Variants in MEIS2 observed in about 807,000 individuals in gnomAD.
The protein encoded by MEIS2 is homeobox protein Meis2.
A neutral mutation model predicts 58.6 loss-of-function variants in MEIS2; 9 were observed. That is an observed-to-expected ratio of 0.15 (90% confidence interval 0.09 to 0.27). The LOEUF (loss-of-function observed/expected upper bound fraction) is 0.27, where lower values mean the gene tolerates loss of function less well. MEIS2 is among the 10% of genes least tolerant of loss of function. MEIS2 has a pLI of 1.00. For synonymous variants in MEIS2, 221 were observed against 228.4 expected, an observed-to-expected ratio of 0.97 and a Z score of 0.29; for missense variants, 427 against 635.0, an observed-to-expected ratio of 0.67 and a Z score of 3.52.
chr15:36,954,449 AATTG>A (rs1211824382), intron 8 of MEIS2, among the ~76,000 whole-genome samples: 6 of 147,932 alleles, frequency 4.1e-5, no homozygotes, highest in East Asian at 2.0e-4. Flanking sequence ...AATTATAATT[AATTG>A]TAATTATATA....
chr15:36,930,871 T>G (rs2141330313), intron 9 of MEIS2, among the ~76,000 whole-genome samples: 1 of 152,316 alleles, frequency 6.6e-6, no homozygotes, highest in South Asian at 2.1e-4. Context: ...CCTCTCTTTG[T>G]GGGTTTGATA....
intron 7 of MEIS2, among the ~76,000 whole-genome samples, chr15:37,044,048 T>C (rs146828128): frequency 1.1e-4 from 16 of 152,288 alleles, no homozygotes; most frequent in African/African-American, 2.6e-4. Context: ...GTAACTTCCA[T>C]TGGGCACTTG....
chr15:37,074,681 T>G (rs1056509461), intron 7 of MEIS2, among the ~76,000 whole-genome samples: 4 of 152,004 alleles, frequency 2.6e-5, no homozygotes, highest in African/African-American at 9.7e-5. Flanking sequence ...TGTTATTTGC[T>G]GAACACATGG....
chr15:36,952,475 C>T (rs1307469477), intron 8 of MEIS2, among the ~76,000 whole-genome samples: 1 of 151,996 alleles, frequency 6.6e-6, no homozygotes, highest in Non-Finnish European at 1.5e-5. Flanking sequence ...TTCCAGTGTG[C>T]TGTTTCTTTA....
chr15:37,043,813 G>A (rs541734027), intron 7 of MEIS2, among the ~76,000 whole-genome samples: 7 of 150,778 alleles, frequency 4.6e-5, no homozygotes, highest in Non-Finnish European at 8.8e-5. Context: ...TCAGCCTCCC[G>A]AGTAGCTAGG....
chr15:36,945,660 A>C (rs1164134452), intron 9 of MEIS2, among the ~76,000 whole-genome samples: 1 of 152,054 alleles, frequency 6.6e-6, no homozygotes, highest in East Asian at 1.9e-4. Context: ...CTTTCCATGA[A>C]GAAGTCATAC....
chr15:37,061,552 C>T (rs1200853370), intron 7 of MEIS2, among the ~76,000 whole-genome samples: 1 of 152,196 alleles, frequency 6.6e-6, no homozygotes, highest in Non-Finnish European at 1.5e-5. Context: ...AAAATTTACA[C>T]ATTAAGAATA....
chr15:36,952,057 A>T (rs1243015039), intron 8 of MEIS2, among the ~76,000 whole-genome samples: 1 of 152,274 alleles, frequency 6.6e-6, no homozygotes, highest in Non-Finnish European at 1.5e-5. Context: ...TGCCACCATG[A>T]CAAATACTCC....
At chr15:37,006,488 C>G (rs557332117) in intron 8 of MEIS2, among the ~76,000 whole-genome samples, 2 of 152,352 alleles carry the variant, frequency 1.3e-5, no homozygotes, top group South Asian at 4.1e-4. Context: ...GATCCATGGT[C>G]TATAAACTAT....
chr15:37,094,204 C>T (rs1358701790), intron 5 of MEIS2, among the ~76,000 whole-genome samples: 2 of 152,188 alleles, frequency 1.3e-5, no homozygotes, highest in Non-Finnish European at 2.9e-5. Flanking sequence ...AATGCAAACC[C>T]AGGGCCGAGG....
intron 6 of MEIS2, among the ~76,000 whole-genome samples, chr15:37,091,253 A>G (rs567945577): frequency 1.1e-4 from 16 of 152,250 alleles, no homozygotes; most frequent in East Asian, 9.7e-4. Flanking sequence ...CAATACACCT[A>G]TGGTACAAAA....
intron 7 of MEIS2, among the ~76,000 whole-genome samples, chr15:37,071,880 T>C (rs1450950886): frequency 1.3e-5 from 2 of 152,120 alleles, no homozygotes; most frequent in African/African-American, 4.8e-5. Flanking sequence ...TTTGACAACT[T>C]TGCATGTGCA....
chr15:37,100,738 TGTGTGTTGCGCGCGCGCGCGCGCGA>T (rs1015929553), upstream of MEIS2, among the ~76,000 whole-genome samples: 29 of 145,810 alleles, frequency 2.0e-4, no homozygotes, highest in Non-Finnish European at 3.2e-4. Flanking sequence ...CGTGCGCGCG[TGTGTGTTGCGCGCGCGCGCGCGCGA>T]ACAGGGAGAG....
intron 8 of MEIS2, among the ~76,000 whole-genome samples, chr15:36,967,310 G>GTATGTTAA: frequency 6.6e-6 from 1 of 152,214 alleles, no homozygotes; most frequent in East Asian, 1.9e-4. Flanking sequence ...TTTTAAAAGG[G>GTATGTTAA]TATGTTAATT....
chr15:36,947,848 G>C (rs2058623931), intron 9 of MEIS2, among the ~76,000 whole-genome samples: 1 of 151,938 alleles, frequency 6.6e-6, no homozygotes, highest in South Asian at 2.1e-4. Flanking sequence ...AACAGTGACT[G>C]TGAGGTCTTT....
chr15:36,949,783 A>G (rs2058691594), intron 9 of MEIS2, among the ~76,000 whole-genome samples: 2 of 152,026 alleles, frequency 1.3e-5, no homozygotes, highest in Non-Finnish European at 1.5e-5. Flanking sequence ...TGGATGGTCC[A>G]TACACCAGCA....
chr15:37,016,766 C>A (rs778448113), intron 8 of MEIS2, among the ~76,000 whole-genome samples: 4 of 152,210 alleles, frequency 2.6e-5, no homozygotes, highest in Non-Finnish European at 5.9e-5. Context: ...GCTTAGGAAT[C>A]ATTTTATTGA....
chr15:37,100,597 G>A (rs1424853213), upstream of MEIS2: 1 of 144,018 alleles, frequency 6.9e-6, no homozygotes, highest in African/African-American at 2.6e-5. Context: ...GGGGGCGGGA[G>A]GGGGAGGGGA....
At chr15:36,989,343 C>A (rs1388197571) in intron 8 of MEIS2, among the ~76,000 whole-genome samples, 1 of 152,168 alleles carries the variant, frequency 6.6e-6, no homozygotes, top group Admixed American at 6.5e-5. Flanking sequence ...CCTTATCATG[C>A]AAGTGACCTA....
Sources: gnomAD v4.1 joint callset for allele counts (sites outside exome capture counted in the v4.1 genomes callset) on GRCh38, gnomAD v4.1.1 for gene constraint, MANE v1.5 for transcripts, NCBI Gene and HGNC (gene_info 2026-07-23, HGNC 2026-07-21) for gene names.